PHACTR1: variants seen among roughly 807,000 people sequenced by gnomAD.
PHACTR1 encodes RPEL repeat containing 1.
A neutral mutation model predicts 69.2 loss-of-function variants in PHACTR1; 16 were observed. The ratio of observed to expected loss-of-function variants is 0.23; its 90% confidence interval spans 0.16 to 0.35. PHACTR1 has a LOEUF of 0.35. Among genes scored for constraint, PHACTR1 ranks in the 10% least tolerant of loss-of-function variants. The pLI, the probability that PHACTR1 is intolerant of heterozygous loss-of-function variation, is 1.00. For synonymous variants in PHACTR1, 312 were observed against 284.5 expected, an observed-to-expected ratio of 1.10 and a Z score of -0.97; for missense variants, 510 against 734.7, an observed-to-expected ratio of 0.69 and a Z score of 3.54.
At chr6:13,012,728 T>C (rs1288856235) in intron 4 of PHACTR1, among the ~76,000 whole-genome samples, 1 of 152,254 alleles carries the variant, frequency 6.6e-6, no homozygotes, top group Non-Finnish European at 1.5e-5. Context: ...ATAGGGCTTC[T>C]CTAAGCCTTA....
intron 5 of PHACTR1, among the ~76,000 whole-genome samples, chr6:13,148,904 A>G (rs1050002268): frequency 6.6e-6 from 1 of 152,220 alleles, no homozygotes; most frequent in African/African-American, 2.4e-5. Context: ...ATTGGAATGC[A>G]GGTCTCTACT....
At chr6:13,014,470 T>C (rs1373172082) in intron 4 of PHACTR1, among the ~76,000 whole-genome samples, 1 of 152,150 alleles carries the variant, frequency 6.6e-6, no homozygotes, top group Non-Finnish European at 1.5e-5. Flanking sequence ...GACTCCTGCT[T>C]TTTCCTTCCA....
chr6:12,721,319 G>A (rs534982042), intron 3 of PHACTR1, among the ~76,000 whole-genome samples: 62 of 152,204 alleles, frequency 4.1e-4, no homozygotes, highest in Non-Finnish European at 7.9e-4. Flanking sequence ...GGGAGGCGGA[G>A]GTTGCAGTGA....
At chr6:13,134,629 C>T (rs933791404) in intron 5 of PHACTR1, among the ~76,000 whole-genome samples, 1 of 152,018 alleles carries the variant, frequency 6.6e-6, no homozygotes. Flanking sequence ...TCCCTAATCT[C>T]AAGTACCCAG....
Position 13,287,348 on chromosome 6 carries a change from C to A in PHACTR1, c.*270C>A. ...GCCAAGGGCACCAGCAGGGCCCTGA[C>A]TGAAGACTGTCTGGCAGGTGGAACG... is the stretch of plus-strand genomic sequence containing the variant. On this transcript the variant is annotated 3_prime_UTR_variant, in exon 15 of 15. Coordinates refer to ENST00000332995, the MANE Select transcript of PHACTR1 (RefSeq NM_030948.6). The A allele has an allele frequency of 2.0e-6, 1 of 503,620 alleles. No homozygotes were observed. Among genetic ancestry groups the A allele is most frequent in the Non-Finnish European group, 3.5e-6 (1 of 283,880 alleles). 31.2% of individuals were successfully genotyped at this position (503,620 alleles called of 1,614,324 possible).
intron 4 of PHACTR1, among the ~76,000 whole-genome samples, chr6:12,873,184 TA>T (rs1782220626): frequency 6.6e-6 from 1 of 152,044 alleles, no homozygotes. Flanking sequence ...GCTAACTTTT[TA>T]AAAAATTCTT....
intron 4 of PHACTR1, among the ~76,000 whole-genome samples, chr6:12,806,333 C>G (rs995169174): frequency 2.0e-5 from 3 of 152,214 alleles, no homozygotes; most frequent in Non-Finnish European, 4.4e-5. Context: ...GTTCATTTCT[C>G]TTTTTCTCTC....
intron 4 of PHACTR1, among the ~76,000 whole-genome samples, chr6:12,751,058 T>C (rs1482919741): frequency 6.6e-6 from 1 of 152,242 alleles, no homozygotes; most frequent in Non-Finnish European, 1.5e-5. Flanking sequence ...GATGGGTATT[T>C]ATGCCCTGTT....
intron 5 of PHACTR1, among the ~76,000 whole-genome samples, chr6:13,070,910 T>C (rs1809409369): frequency 6.6e-6 from 1 of 151,470 alleles, no homozygotes; most frequent in East Asian, 1.9e-4. Flanking sequence ...TTGAAGGAGA[T>C]AGAGAAATAA....
chr6:12,801,718 G>A (rs1773723822), intron 4 of PHACTR1, among the ~76,000 whole-genome samples: 1 of 152,140 alleles, frequency 6.6e-6, no homozygotes, highest in Admixed American at 6.6e-5. Flanking sequence ...AAATTAAGCT[G>A]AGAAAGCTTG....
intron 4 of PHACTR1, among the ~76,000 whole-genome samples, chr6:12,845,610 T>G (rs772660658): frequency 7.9e-5 from 12 of 152,052 alleles, no homozygotes; most frequent in Non-Finnish European, 1.6e-4. Flanking sequence ...GTGTAAGGTT[T>G]ACCAAAAAAA....
At chr6:12,830,245 C>A (rs1581967653) in intron 4 of PHACTR1, among the ~76,000 whole-genome samples, 1 of 151,372 alleles carries the variant, frequency 6.6e-6, no homozygotes, top group Non-Finnish European at 1.5e-5. Context: ...AAACTCCAGT[C>A]AAGTTTGATA....
chr6:12,897,759 G>A (rs956908239), intron 4 of PHACTR1, among the ~76,000 whole-genome samples: 2 of 151,574 alleles, frequency 1.3e-5, no homozygotes, highest in Non-Finnish European at 1.5e-5. Context: ...TACATGTGCA[G>A]AACATGCAGT....
rs143445382 is a variant in PHACTR1, at chr6:12,863,470, C to T, written c.250+113680C>T. On this transcript the variant is annotated intron_variant, in intron 4 of 14. Coordinates refer to ENST00000332995, the MANE Select transcript of PHACTR1 (RefSeq NM_030948.6). ...AAATACTGTCATATTGGGGTTAGGA[C>T]TTTTGAAGGAGACACAAACATTCAG... 3.3e-4 allele frequency among the ~76,000 whole-genome samples: 50 copies of T among 152,336 alleles called. 1 individual carries two copies. The highest frequency in any genetic ancestry group is 1.1e-3 in the African/African-American group (45 of 41,590).
intron 4 of PHACTR1, among the ~76,000 whole-genome samples, chr6:12,793,247 G>C (rs1222592332): frequency 1.3e-5 from 2 of 152,258 alleles, no homozygotes; most frequent in African/African-American, 4.8e-5. Context: ...AACCCCTCCC[G>C]CTAGTAGCGA....
chr6:13,000,354 C>T lies in PHACTR1; in HGVS notation c.251-53011C>T, dbSNP rs144790514. On this transcript the variant is annotated intron_variant, in intron 4 of 14. Transcript: ENST00000332995. ...CTTGAGCCCAGGAGTTCAAGACTAG[C>T]CTGGGCAACATCGTGAGACCCCGTC... Among the ~76,000 whole-genome samples the T allele has an allele frequency of 8.8e-3, 1,342 of 152,184 alleles. 7 individuals carry two copies. Among genetic ancestry groups the T allele is most frequent in the Non-Finnish European group, 0.014 (963 of 68,000 alleles).
chr6:12,934,788 A>G (rs1397090079), intron 4 of PHACTR1, among the ~76,000 whole-genome samples: 2 of 152,006 alleles, frequency 1.3e-5, no homozygotes, highest in African/African-American at 4.8e-5. Context: ...GTGAGCCAAG[A>G]TCATGCCACT....
At chr6:13,073,845 G>A (rs1195686479) in intron 5 of PHACTR1, among the ~76,000 whole-genome samples, 4 of 151,760 alleles carry the variant, frequency 2.6e-5, no homozygotes, top group Admixed American at 2.6e-4. Context: ...CTTTAAGCAG[G>A]GAAGTAGTAG....
intron 4 of PHACTR1, among the ~76,000 whole-genome samples, chr6:12,879,022 C>T (rs567562652): frequency 6.6e-6 from 1 of 152,240 alleles, no homozygotes; most frequent in Non-Finnish European, 1.5e-5. Context: ...TGTTAATAGT[C>T]TGGAGATGTA....
Sources: gnomAD v4.1 joint callset for allele counts (sites outside exome capture counted in the v4.1 genomes callset) on GRCh38, gnomAD v4.1.1 for gene constraint, MANE v1.5 for transcripts, NCBI Gene and HGNC (gene_info 2026-07-23, HGNC 2026-07-21) for gene names.